The following GLMN variants were observed in gnomAD, a reference collection of about 807,000 sequenced individuals.
GLMN encodes glomulin.
Under a neutral mutation model 87.8 loss-of-function variants are expected in GLMN, and 75 were observed. The observed-to-expected ratio is 0.85, with a 90% CI of 0.71 to 1.04. The LOEUF is 1.04. Among genes scored for constraint, GLMN ranks in the 50% least tolerant of loss-of-function variants. The pLI is 0.00. For synonymous variants in GLMN, 206 were observed against 221.6 expected (o/e 0.93, Z 0.63); for missense variants, 588 against 658.8 (o/e 0.89, Z 1.18).
upstream of GLMN, among the ~76,000 whole-genome samples, chr1:92,300,902 T>C (rs1571010103): frequency 6.6e-6 from 1 of 152,086 alleles, no homozygotes; most frequent in South Asian, 2.1e-4. Flanking sequence ...TAAATAATAA[T>C]AAATTAATTA....
At chr1:92,327,225 C>T in the GLMN span, among the ~76,000 whole-genome samples, 3 of 152,206 alleles carry the variant, frequency 2.0e-5, no homozygotes, top group African/African-American at 7.2e-5. Context: ...AGGAACAGGT[C>T]TTGATGACCT....
the GLMN span, among the ~76,000 whole-genome samples, chr1:92,315,160 C>G: frequency 1.3e-5 from 2 of 151,968 alleles, no homozygotes; most frequent in Non-Finnish European, 2.9e-5. Context: ...GTCAGTGAGT[C>G]TTCCATTGTA....
chr1:92,246,683 C>T, intron 18 of GLMN, 37 bp from the exon 19 acceptor site: 1 of 1,052,372 alleles, frequency 9.5e-7, no homozygotes, highest in Non-Finnish European at 1.5e-6. Context: ...ATTAATGCTG[C>T]CTTTAAAGCA....
chr1:92,343,582 T>C, the GLMN span, among the ~76,000 whole-genome samples: 4 of 152,224 alleles, frequency 2.6e-5, no homozygotes, highest in African/African-American at 9.6e-5. Flanking sequence ...TTCTAAAATT[T>C]GATTCAGGTA....
intron 16 of GLMN, among the ~76,000 whole-genome samples, chr1:92,248,967 ATGTT>A (rs1477769220): frequency 1.5e-4 from 23 of 152,118 alleles, no homozygotes; most frequent in African/African-American, 5.3e-4. Flanking sequence ...ATAAAGATGT[ATGTT>A]ATGATTCTAC....
chr1:92,319,743 A>G, the GLMN span, among the ~76,000 whole-genome samples: 1 of 152,232 alleles, frequency 6.6e-6, no homozygotes, highest in Non-Finnish European at 1.5e-5. Flanking sequence ...TCATGCCTAT[A>G]ATCCCAGCAC....
At chr1:92,293,845 A>G (rs1274903601) in intron 3 of GLMN, among the ~76,000 whole-genome samples, 10 of 152,198 alleles carry the variant, frequency 6.6e-5, no homozygotes, top group Non-Finnish European at 1.5e-4. Flanking sequence ...GTTAAGTGAA[A>G]GAAGTCAGGC....
chr1:92,289,119 T>C lies in GLMN; in HGVS notation c.427A>G (p.Ile143Val). The C allele has an allele frequency of 6.2e-7, 1 of 1,606,090 alleles. No homozygotes were observed. Among genetic ancestry groups the C allele is most frequent in the South Asian group, 1.1e-5 (1 of 90,950 alleles). ...CAAAGGGTAGACAATGCTAATCCAA[T>C]TGAATATGCCTTGTTATGAAGTTTC... ...IQKLHNKAYS[I>V]GLALSTLWNQ... The change falls in exon 6 of 19, where the codon ATT (isoleucine) becomes GTT (valine). Residue 143 changes from isoleucine to valine, a missense_variant. By Grantham distance (29) the Ile-to-Val change is conservative (BLOSUM62 3). Coordinates refer to ENST00000370360, the MANE Select transcript of GLMN (RefSeq NM_053274.3).
At chr1:92,316,899 A>T in the GLMN span, among the ~76,000 whole-genome samples, 4 of 152,216 alleles carry the variant, frequency 2.6e-5, no homozygotes, top group Admixed American at 2.6e-4. Flanking sequence ...ACCATTCTTT[A>T]TAGATTGGGG....
chr1:92,303,004 G>A (rs920311551), upstream of GLMN, among the ~76,000 whole-genome samples: 9 of 152,126 alleles, frequency 5.9e-5, no homozygotes, highest in African/African-American at 2.2e-4. Flanking sequence ...TTTGAGACCA[G>A]TCTGGACAAC....
intron 16 of GLMN, among the ~76,000 whole-genome samples, chr1:92,256,156 A>T (rs1384961283): frequency 6.6e-6 from 1 of 152,188 alleles, no homozygotes; most frequent in African/African-American, 2.4e-5. Context: ...CTAGAAAAAA[A>T]ATGGATAAAT....
At chr1:92,333,591 GTTCACATGGATTTC>G in the GLMN span, 1 of 738,720 alleles carries the variant, frequency 1.4e-6, no homozygotes, top group Non-Finnish European at 2.2e-6. Flanking sequence ...AATGTGAAAA[GTTCACATGGATTTC>G]TTCACTTAAG....
intron 12 of GLMN, 93 bp downstream of exon 12, chr1:92,266,607 T>G: frequency 8.6e-7 from 1 of 1,165,030 alleles, no homozygotes; most frequent in Admixed American, 1.9e-5. Flanking sequence ...AATAAAAATT[T>G]CACAAATTAA....
At chr1:92,338,978 G>C in the GLMN span, among the ~76,000 whole-genome samples, 5 of 152,218 alleles carry the variant, frequency 3.3e-5, no homozygotes, top group South Asian at 1.0e-3. Context: ...TCACCATTCT[G>C]AGCAAACCGA....
At chr1:92,300,034 A>G (rs1400609672), upstream of GLMN, among the ~76,000 whole-genome samples, 2 of 152,248 alleles carry the variant, frequency 1.3e-5, no homozygotes, top group Non-Finnish European at 2.9e-5. Context: ...AAACCTGCAC[A>G]GCATGTTACT....
At chr1:92,327,269 C>A in the GLMN span, among the ~76,000 whole-genome samples, 8 of 152,104 alleles carry the variant, frequency 5.3e-5, no homozygotes, top group African/African-American at 1.9e-4. Context: ...TGAAGTCCCC[C>A]ACTATTATTG....
intron 11 of GLMN, 132 bp from the exon 12 acceptor site, chr1:92,266,873 AATTTTT>A: frequency 1.6e-6 from 1 of 641,574 alleles, no homozygotes; most frequent in Non-Finnish European, 2.7e-6. Flanking sequence ...GAAGTAAATT[AATTTTT>A]CCCTAAGCCT....
intron 16 of GLMN, among the ~76,000 whole-genome samples, chr1:92,262,615 C>T (rs1655177998): frequency 1.3e-5 from 2 of 152,202 alleles, no homozygotes; most frequent in Non-Finnish European, 2.9e-5. Flanking sequence ...CTTATCCACC[C>T]AACAGGACTA....
intron 3 of GLMN, among the ~76,000 whole-genome samples, chr1:92,294,644 G>C (rs1187136422): frequency 6.6e-6 from 1 of 151,864 alleles, no homozygotes; most frequent in Non-Finnish European, 1.5e-5. Flanking sequence ...AATTTTGATA[G>C]TGTCACCTGG....
Sources: gnomAD v4.1 joint callset for allele counts (sites outside exome capture counted in the v4.1 genomes callset) on GRCh38, gnomAD v4.1.1 for gene constraint, MANE v1.5 for transcripts, NCBI Gene and HGNC (gene_info 2026-07-23, HGNC 2026-07-21) for gene names.